The following DNAJC1 variants were observed in gnomAD, a reference collection of about 807,000 sequenced individuals.
DNAJC1 encodes the protein DnaJ heat shock protein family (Hsp40) member C1.
Under a neutral mutation model 76.6 loss-of-function variants are expected in DNAJC1, and 58 were observed. That is an observed-to-expected ratio of 0.76 (90% confidence interval 0.61 to 0.94). The LOEUF is 0.94. DNAJC1 is among the 40% of genes least tolerant of loss of function. The pLI, the probability that DNAJC1 is intolerant of heterozygous loss-of-function variation, is 0.00. For missense variants in DNAJC1, 689 were observed against 677.3 expected, an observed-to-expected ratio of 1.02 and a Z score of -0.19; for synonymous variants, 258 against 267.9, an observed-to-expected ratio of 0.96 and a Z score of 0.36.
intron 9 of DNAJC1, among the ~76,000 whole-genome samples, chr10:21,773,082 G>A (rs1454214777): frequency 1.3e-5 from 2 of 152,140 alleles, no homozygotes; most frequent in Non-Finnish European, 2.9e-5. Context: ...ACCCACCTCC[G>A]ACACTGGGGA....
At chr10:21,860,973 G>C (rs747970840) in intron 8 of DNAJC1, 1 of 152,194 alleles carries the variant, frequency 6.6e-6, no homozygotes, top group African/African-American at 2.4e-5. Flanking sequence ...AAGGAACCCA[G>C]GAGAGCAAAT....
chr10:21,950,580 A>G (rs1473378607), intron 1 of DNAJC1, among the ~76,000 whole-genome samples: 1 of 152,196 alleles, frequency 6.6e-6, no homozygotes, highest in African/African-American at 2.4e-5. Flanking sequence ...GTCAAAAGCT[A>G]GAAATGATTA....
intron 3 of DNAJC1, among the ~76,000 whole-genome samples, chr10:21,925,385 T>C (rs1365749373): frequency 6.6e-6 from 1 of 152,166 alleles, no homozygotes; most frequent in Admixed American, 6.5e-5. Flanking sequence ...ATGCTATATA[T>C]GTTCTTGGGG....
intron 10 of DNAJC1, among the ~76,000 whole-genome samples, chr10:21,764,192 C>T (rs1315805955): frequency 6.6e-6 from 1 of 152,144 alleles, no homozygotes; most frequent in African/African-American, 2.4e-5. Flanking sequence ...CTATGGACTA[C>T]TATGGAGCCA....
rs571120667 is a variant in DNAJC1 at position 21,856,011 on chromosome 10, A to T, written c.978+26271T>A. Among the ~76,000 whole-genome samples, 32 of 152,338 alleles carry T rather than the reference A, an allele frequency of 2.1e-4. No individual in the cohort carries two copies. The South Asian group carries it at 5.8e-3, about 28-fold the overall frequency. On this transcript the variant is annotated intron_variant, in intron 8 of 11. Transcript: ENST00000376980. Reference sequence around the variant, plus strand: ...ATTCCTCTAAATATTCTCTAGATACAGCAAAATAATCTACATAACTATTTA... The same window carrying T: ...ATTCCTCTAAATATTCTCTAGATACTGCAAAATAATCTACATAACTATTTA...
intron 6 of DNAJC1, among the ~76,000 whole-genome samples, chr10:21,917,892 A>G (rs1220935715): frequency 6.6e-6 from 1 of 151,964 alleles, no homozygotes; most frequent in Admixed American, 6.5e-5. Flanking sequence ...ATAAAGGAAA[A>G]TGCAGAAGTT....
chr10:21,858,614 T>C (rs1035900764), intron 8 of DNAJC1, among the ~76,000 whole-genome samples: 5 of 152,212 alleles, frequency 3.3e-5, no homozygotes, highest in Non-Finnish European at 5.9e-5. Context: ...GTTTAGCTTA[T>C]GAAATCTGAC....
chr10:21,802,227 G>C (rs576001463), intron 9 of DNAJC1, among the ~76,000 whole-genome samples: 10 of 152,236 alleles, frequency 6.6e-5, no homozygotes, highest in African/African-American at 2.4e-4. Flanking sequence ...GCAGGAAACT[G>C]GTACAGCGGC....
intron 6 of DNAJC1, among the ~76,000 whole-genome samples, chr10:21,910,851 G>A (rs1329437552): frequency 8.7e-6 from 1 of 114,870 alleles, no homozygotes; most frequent in Non-Finnish European, 1.8e-5. Flanking sequence ...GGAGAGGAGA[G>A]GAGAGGAGAG....
intron 8 of DNAJC1, among the ~76,000 whole-genome samples, chr10:21,816,543 CTCTT>C (rs1019555852): frequency 4.3e-5 from 6 of 139,644 alleles, no homozygotes; most frequent in East Asian, 2.1e-4. Flanking sequence ...CTGTCTCTCT[CTCTT>C]TTTTTTTTTT....
chr10:21,955,140 G>A (rs1590065748), intron 1 of DNAJC1, among the ~76,000 whole-genome samples: 1 of 152,118 alleles, frequency 6.6e-6, no homozygotes, highest in Non-Finnish European at 1.5e-5. Context: ...GGGCAGGGGG[G>A]AACAGCCCCC....
At chr10:22,001,101 T>C (rs1018020805) in intron 1 of DNAJC1, among the ~76,000 whole-genome samples, 1 of 152,214 alleles carries the variant, frequency 6.6e-6, no homozygotes, top group Non-Finnish European at 1.5e-5. Flanking sequence ...TTGTTTTATA[T>C]AAAGGTCAAC....
At chr10:21,788,314 C>T (rs144700091) in intron 9 of DNAJC1, among the ~76,000 whole-genome samples, 1 of 152,200 alleles carries the variant, frequency 6.6e-6, no homozygotes, top group Non-Finnish European at 1.5e-5. Context: ...CAGTCACACC[C>T]CTTTAGGCCA....
chr10:21,891,406 A>G (rs1470326880), intron 7 of DNAJC1, among the ~76,000 whole-genome samples: 1 of 151,502 alleles, frequency 6.6e-6, no homozygotes, highest in African/African-American at 2.4e-5. Flanking sequence ...GAATGAAGCA[A>G]ACAGGGAAAA....
chr10:21,828,715 A>C (rs1460013247), intron 8 of DNAJC1, among the ~76,000 whole-genome samples: 1 of 152,232 alleles, frequency 6.6e-6, no homozygotes, highest in African/African-American at 2.4e-5. Context: ...CAAATCTAAA[A>C]CATTAGAAAA....
chr10:21,794,282 AAAAG>A (rs1317608287), intron 9 of DNAJC1, among the ~76,000 whole-genome samples: 2 of 151,606 alleles, frequency 1.3e-5, no homozygotes, highest in African/African-American at 2.4e-5. Flanking sequence ...AAAAAAAAAA[AAAAG>A]AGAGAGAGAG....
chr10:21,813,990 G>C (rs954723345), intron 8 of DNAJC1, among the ~76,000 whole-genome samples: 1 of 152,154 alleles, frequency 6.6e-6, no homozygotes, highest in African/African-American at 2.4e-5. Context: ...AACTGTAGCA[G>C]GCTACCTTAT....
intron 10 of DNAJC1, among the ~76,000 whole-genome samples, chr10:21,760,239 C>T (rs1021379467): frequency 1.3e-5 from 2 of 152,174 alleles, no homozygotes; most frequent in Admixed American, 6.5e-5. Flanking sequence ...GCTATGATCA[C>T]GCCACTGTGC....
At chr10:21,794,482 G>C (rs928620283) in intron 9 of DNAJC1, among the ~76,000 whole-genome samples, 9 of 152,054 alleles carry the variant, frequency 5.9e-5, no homozygotes, top group Middle Eastern at 3.4e-3. Flanking sequence ...TCTCCAAATT[G>C]ATCTATAGAG....
Sources: gnomAD v4.1 joint callset for allele counts (sites outside exome capture counted in the v4.1 genomes callset) on GRCh38, gnomAD v4.1.1 for gene constraint, MANE v1.5 for transcripts, NCBI Gene and HGNC (gene_info 2026-07-23, HGNC 2026-07-21) for gene names.